The following RORA variants were observed in gnomAD, a reference collection of about 807,000 sequenced individuals.
The protein encoded by RORA is nuclear receptor ROR-alpha.
In RORA, 7 loss-of-function variants were observed where a neutral mutation model predicts 69.5. The observed-to-expected ratio is 0.10, with a 90% CI of 0.06 to 0.19. The LOEUF (loss-of-function observed/expected upper bound fraction) is 0.19. Ranked by LOEUF, RORA falls within the 10% of genes least tolerant of loss-of-function variation. The pLI is 1.00. For missense variants in RORA, 457 were observed against 663.0 expected (o/e 0.69, Z 3.41); for synonymous variants, 261 against 240.8 (o/e 1.08, Z -0.78).
intron 1 of RORA, among the ~76,000 whole-genome samples, chr15:60,855,349 A>C (rs201147174): frequency 6.6e-6 from 1 of 152,214 alleles, no homozygotes; most frequent in Non-Finnish European, 1.5e-5. Context: ...AGGCGCCTGC[A>C]TAACTTCTGA....
At chr15:60,671,094 A>ATATC (rs2070460338) in intron 2 of RORA, among the ~76,000 whole-genome samples, 1 of 118,118 alleles carries the variant, frequency 8.5e-6, no homozygotes, top group African/African-American at 3.2e-5. Context: ...ATATATATAT[A>ATATC]TATCTGTTTC....
chr15:60,520,774 A>C (rs1269925695), intron 3 of RORA, among the ~76,000 whole-genome samples: 2 of 152,170 alleles, frequency 1.3e-5, no homozygotes, highest in Non-Finnish European at 2.9e-5. Context: ...TCAAGTACAT[A>C]ATTTGGCAAT....
intron 2 of RORA, among the ~76,000 whole-genome samples, chr15:60,616,781 C>T (rs1353703843): frequency 1.3e-5 from 2 of 152,174 alleles, no homozygotes; most frequent in African/African-American, 4.8e-5. Context: ...GAGGTACATC[C>T]AGGTTCAGCT....
At chr15:60,720,571 T>C (rs1000145378) in intron 1 of RORA, among the ~76,000 whole-genome samples, 2 of 152,114 alleles carry the variant, frequency 1.3e-5, no homozygotes, top group African/African-American at 4.8e-5. Context: ...GGACGTGTTG[T>C]GGTATTCTGG....
At chr15:61,119,089 G>GC (rs1305735775) in intron 1 of RORA, among the ~76,000 whole-genome samples, 4 of 149,634 alleles carry the variant, frequency 2.7e-5, no homozygotes, top group South Asian at 4.3e-4. Context: ...GAAGGGGGGG[G>GC]GGGGCGCCAT....
chr15:60,732,800 TA>T (rs1303766070), intron 1 of RORA, among the ~76,000 whole-genome samples: 13 of 151,490 alleles, frequency 8.6e-5, no homozygotes, highest in Admixed American at 3.9e-4. Context: ...CACACCCACA[TA>T]CACTCACATA....
At chr15:61,133,654 G>A (rs1202599296) in intron 1 of RORA, among the ~76,000 whole-genome samples, 1 of 152,072 alleles carries the variant, frequency 6.6e-6, no homozygotes, top group Non-Finnish European at 1.5e-5. Context: ...AGGTACTCTG[G>A]GGCCACGACT....
At position 60,813,975 on chromosome 15, in the gene RORA, G is replaced by A. The variant is rs147924219; in HGVS notation, c.167-135289C>T. On this transcript the variant is annotated intron_variant, in intron 1 of 10. Coordinates refer to ENST00000335670, the MANE Select transcript of RORA (RefSeq NM_134261.3). The stretch of plus-strand genomic sequence containing the variant: ...TGTTATGGGGGAGAACAAGGTCTTA[G>A]AACTTGAATAACATATAATCTATTT... Among the ~76,000 whole-genome samples, 490 of 152,138 alleles carry A rather than the reference G, an allele frequency of 3.2e-3. 1 individual carries two copies. Among genetic ancestry groups the A allele is most frequent in the African/African-American group, 0.011 (463 of 41,492 alleles).
At chr15:60,641,852 G>A (rs997903411) in intron 2 of RORA, among the ~76,000 whole-genome samples, 4 of 152,024 alleles carry the variant, frequency 2.6e-5, no homozygotes, top group Admixed American at 6.5e-5. Flanking sequence ...GAGGCACTTC[G>A]GGTATCTGCT....
chr15:60,714,931 G>T (rs1030347), intron 1 of RORA, among the ~76,000 whole-genome samples: 38,692 of 152,018 alleles, frequency 0.25, 5,473 homozygotes, highest in Middle Eastern at 0.34. Context: ...CCTGAGAGTT[G>T]AGAGACTATG....
chr15:60,632,962 A>T (rs2069769468), intron 2 of RORA, among the ~76,000 whole-genome samples: 1 of 152,256 alleles, frequency 6.6e-6, no homozygotes, highest in African/African-American at 2.4e-5. Context: ...GGGTGTTTAA[A>T]AAAACCCCAC....
Position 60,511,129 on chromosome 15 carries a change from A to G in RORA, c.820+97T>C, listed in dbSNP as rs1254998221. On this transcript the variant is annotated intron_variant, in intron 5 of 10. Transcript: ENST00000335670. The surrounding 1 kb of genome is among the most constrained non-coding windows in gnomAD (Gnocchi z 6.4). ...GGCCCAAATGGTAAAGGTGAATTGCATCATTTAGCAGAACTCATTAGAGGA... is the reference window on the plus strand; with the variant it reads ...GGCCCAAATGGTAAAGGTGAATTGCGTCATTTAGCAGAACTCATTAGAGGA... 5 of 1,332,258 alleles carry G rather than the reference A, an allele frequency of 3.8e-6. No individual in the cohort carries two copies. The highest frequency in any genetic ancestry group is 3.1e-6 in the Non-Finnish European group (3 of 970,748). The allele number at this position is 1,332,258 out of a possible 1,614,324, so 82.5% of individuals were successfully genotyped here. A position where few individuals can be genotyped will look rare whatever the true frequency, so the allele number is the denominator to read the frequency against.
chr15:60,809,322 G>C (rs191890830), intron 1 of RORA, among the ~76,000 whole-genome samples: 1 of 152,156 alleles, frequency 6.6e-6, no homozygotes, highest in African/African-American at 2.4e-5. Flanking sequence ...ACAGCAATGT[G>C]CACAGTTAAT....
At position 60,924,150 on chromosome 15, in the gene RORA, C is replaced by T. The variant is rs1285886367; in HGVS notation, c.167-245464G>A. Among the ~76,000 whole-genome samples, 3 of 152,042 alleles carry T rather than the reference C, an allele frequency of 2.0e-5. No homozygotes were observed. In the East Asian group the frequency reaches 5.8e-4, roughly 29 times the overall value. ...TAGCATTCCATTCAAGAAAAGAACT[C>T]TGACTTTCAGCTTGTTGACAACTTA... On this transcript the variant is annotated intron_variant, in intron 1 of 10. Coordinates refer to ENST00000335670, the MANE Select transcript of RORA (RefSeq NM_134261.3).
chr15:60,578,423 G>A (rs1044480025), intron 2 of RORA, among the ~76,000 whole-genome samples: 2 of 152,204 alleles, frequency 1.3e-5, no homozygotes, highest in Non-Finnish European at 2.9e-5. Context: ...TTGCCTGAAT[G>A]TATGGGCAGT....
chr15:61,110,309 C>T (rs1226196901), intron 1 of RORA, among the ~76,000 whole-genome samples: 1 of 151,720 alleles, frequency 6.6e-6, no homozygotes. Flanking sequence ...GGTGGAGAAT[C>T]ACTTGAACCC....
intron 1 of RORA, among the ~76,000 whole-genome samples, chr15:60,874,132 A>G (rs2073588480): frequency 6.6e-6 from 1 of 152,116 alleles, no homozygotes; most frequent in Non-Finnish European, 1.5e-5. Flanking sequence ...ATCTCATTTT[A>G]TAATAAGTTC....
chr15:61,117,640 G>T (rs1265929001), intron 1 of RORA, among the ~76,000 whole-genome samples: 1 of 152,172 alleles, frequency 6.6e-6, no homozygotes, highest in African/African-American at 2.4e-5. Context: ...TTCTCTCCCA[G>T]ACGTTAGAAA....
chr15:61,102,858 T>G (rs2078899507), intron 1 of RORA, among the ~76,000 whole-genome samples: 1 of 152,234 alleles, frequency 6.6e-6, no homozygotes, highest in Non-Finnish European at 1.5e-5. Context: ...ATAGACTGGA[T>G]GCTTTTTTAA....
Sources: gnomAD v4.1 joint callset for allele counts (sites outside exome capture counted in the v4.1 genomes callset) on GRCh38, gnomAD v4.1.1 for gene constraint, Gnocchi (gnomAD v3.1) non-coding constraint, MANE v1.5 for transcripts, NCBI Gene and HGNC (gene_info 2026-07-23, HGNC 2026-07-21) for gene names.